MYO18A: variants seen among roughly 807,000 people sequenced by gnomAD.
The protein encoded by MYO18A is unconventional myosin-XVIIIa.
Under a neutral mutation model 235.8 loss-of-function variants are expected in MYO18A, and 78 were observed. The ratio of observed to expected loss-of-function variants is 0.33; its 90% CI spans 0.28 to 0.40. MYO18A has a LOEUF of 0.40. Ranked by LOEUF, MYO18A falls within the 10% of genes least tolerant of loss-of-function variation. The pLI is 1.00. For synonymous variants in MYO18A, 977 were observed against 1,077.8 expected (o/e 0.91, Z 1.83); for missense variants, 2,215 against 2,699.3 (o/e 0.82, Z 3.98).
chr17:29,092,983 C>T lies in MYO18A; in HGVS notation c.4945G>A (p.Glu1649Lys). 6.2e-7 allele frequency: 1 copy of T among 1,613,388 alleles called. No individual in the cohort carries two copies. The highest frequency in any genetic ancestry group is 8.5e-7 in the Non-Finnish European group (1 of 1,179,766). ...LSDQVNRRDF[E>K]SEKRLRKDLK... ...TCCTTCCGCAGCCGCTTCTCTGACT[C>T]AAAGTCCCGCCGGTTCACCTGGGTG... The change falls in exon 33 of 42, where the codon GAG (glutamate) becomes AAG (lysine). Residue 1649 changes from glutamate to lysine, a missense_variant. Transcript: ENST00000527372.
Position 29,089,995 on chromosome 17 carries a change from A to G in MYO18A, c.5492T>C (p.Leu1831Pro). The G allele has an allele frequency of 6.2e-7, 1 of 1,614,032 alleles. No individual in the cohort carries two copies. Among genetic ancestry groups the G allele is most frequent in the Non-Finnish European group, 8.5e-7 (1 of 1,179,900 alleles). ...TTTCACTTGCGTCCTTTCAAACTCCAGGCGTGTCTCCAGCTCCCGTATCTT... is the reference window on the plus strand; with the variant it reads ...TTTCACTTGCGTCCTTTCAAACTCCGGGCGTGTCTCCAGCTCCCGTATCTT... ...EAKIRELETR[L>P]EFERTQVKRL... The change falls in exon 37 of 42, where the codon CTG becomes CCG. Residue 1831 changes from leucine to proline, a missense_variant. Leu to Pro is a moderately conservative substitution (Grantham distance 98, BLOSUM62 -3). Coordinates refer to ENST00000527372, the MANE Select transcript of MYO18A (RefSeq NM_078471.4).
chr17:29,108,734 T>G (rs1220576194), intron 19 of MYO18A, among the ~76,000 whole-genome samples: 5 of 152,146 alleles, frequency 3.3e-5, no homozygotes, highest in African/African-American at 1.2e-4. Flanking sequence ...AGCTATTGAT[T>G]GTATCTGAAT....
At chr17:29,122,338 T>C (rs2067221499) in intron 2 of MYO18A, 85 bp from the exon 3 acceptor site, 3 of 1,295,156 alleles carry the variant, frequency 2.3e-6, no homozygotes, top group Non-Finnish European at 3.3e-6. Flanking sequence ...AGTGAGGGCA[T>C]GGGCTTTGAG....
At position 29,087,082 on chromosome 17, in the gene MYO18A, T is replaced by G. The variant is rs1384738365; in HGVS notation, c.5566A>C (p.Thr1856Pro). The G allele has an allele frequency of 6.2e-7, 1 of 1,613,928 alleles. No individual in the cohort carries two copies. The change falls in exon 38 of 42, where the codon ACT becomes CCT. Residue 1856 changes from threonine (T) to proline (P), a missense_variant. Physicochemically the swap from Thr to Pro is conservative, Grantham distance 38 (BLOSUM62 -1). Coordinates refer to ENST00000527372, the MANE Select transcript of MYO18A (RefSeq NM_078471.4). ...GCAATGCGCTGATCCCGCTCCTCAG[T>G]CAGCTTCTCCATGTTTTCCTTGAGA... ...SRLKENMEKL[T>P]EERDQRIAAE...
chr17:29,139,607 C>G (rs2067688544), intron 2 of MYO18A, among the ~76,000 whole-genome samples: 1 of 152,216 alleles, frequency 6.6e-6, no homozygotes. Context: ...GAAAACCTTA[C>G]CCTTGGTGGC....
chr17:29,169,200 G>A (rs1274617733), intron 1 of MYO18A, among the ~76,000 whole-genome samples: 5 of 151,950 alleles, frequency 3.3e-5, no homozygotes, highest in South Asian at 2.1e-4. Context: ...ACAGGTGCCC[G>A]CCACCACGCC....
chr17:29,175,364 CTTTTT>C (rs34825590), intron 1 of MYO18A, among the ~76,000 whole-genome samples: 2 of 133,010 alleles, frequency 1.5e-5, no homozygotes. Context: ...TTTATTTCAT[CTTTTT>C]TTTTTTTTTT....
At position 29,109,805 on chromosome 17, in the gene MYO18A, C is replaced by T. The variant is rs896406661; in HGVS notation, c.3331+53G>A. ...GTCGCAGGTGGGAGGTGGGGCCGGGCAGGGCCAGCTCTGGAAAAGAGAGCC... is the reference window on the plus strand; with the variant it reads ...GTCGCAGGTGGGAGGTGGGGCCGGGTAGGGCCAGCTCTGGAAAAGAGAGCC... On this transcript the variant is annotated intron_variant, in intron 19 of 41. Coordinates refer to ENST00000527372, the MANE Select transcript of MYO18A (RefSeq NM_078471.4). The surrounding 1 kb of genome is among the most constrained non-coding windows in gnomAD (Gnocchi z 4.1). The T allele has an allele frequency of 1.3e-6, 2 of 1,533,932 alleles. No individual in the cohort carries two copies. The highest frequency in any genetic ancestry group is 1.4e-5 in the African/African-American group (1 of 72,588).
chr17:29,114,203 T>C (rs930508368), intron 14 of MYO18A, 106 bp from the exon 15 acceptor site: 2 of 799,400 alleles, frequency 2.5e-6, no homozygotes, highest in African/African-American at 1.7e-5. Context: ...CCAACCTCCT[T>C]CTGTGCCGTG....
chr17:29,096,550 G>A (rs187429109), intron 28 of MYO18A, among the ~76,000 whole-genome samples: 66 of 152,324 alleles, frequency 4.3e-4, no homozygotes, highest in African/African-American at 1.5e-3. Context: ...TGAAAGCAGA[G>A]GCCTGGGCAG....
chr17:29,136,248 A>ATATATATATAT (rs1207210720), intron 2 of MYO18A, among the ~76,000 whole-genome samples: 1 of 74,632 alleles, frequency 1.3e-5, no homozygotes, highest in African/African-American at 4.2e-5. Flanking sequence ...AAAAAAAAAA[A>ATATATATATAT]AAATATATAT....
At chr17:29,176,916 C>T (rs1480902191) in intron 1 of MYO18A, among the ~76,000 whole-genome samples, 2 of 152,196 alleles carry the variant, frequency 1.3e-5, no homozygotes, top group East Asian at 3.9e-4. Context: ...CGGCGCCTCC[C>T]GCTGCGATCC....
rs763879754 is a variant in MYO18A, at chr17:29,121,523, A to G, written c.1371+24T>C. The G allele has an allele frequency of 6.3e-7, 1 of 1,579,282 alleles. No homozygotes were observed. The highest frequency in any genetic ancestry group is 2.3e-5 in the East Asian group (1 of 43,844). Reference sequence around the variant, plus strand: ...GCAGGGGGTGGGACCAGGAGTCTGCAGGGTAGCCTTGAGGGTGCTGCACCT... The same window carrying G: ...GCAGGGGGTGGGACCAGGAGTCTGCGGGGTAGCCTTGAGGGTGCTGCACCT... On this transcript the variant is annotated intron_variant, in intron 5 of 41. Coordinates refer to ENST00000527372, the MANE Select transcript of MYO18A (RefSeq NM_078471.4). The surrounding 1 kb of genome is among the most constrained non-coding windows in gnomAD (Gnocchi z 4.2).
In MYO18A at chr17:29,180,355, C is replaced by G. The variant is rs2068623231; in HGVS notation, c.-124G>C. 6.6e-6 allele frequency: 1 copy of G among 151,932 alleles called. No homozygotes were observed. The highest frequency in any genetic ancestry group is 1.5e-5 in the Non-Finnish European group (1 of 67,988). 9.4% of individuals were successfully genotyped at this position (151,932 alleles called of 1,614,324 possible). On this transcript the variant is annotated 5_prime_UTR_variant, in exon 1 of 42. Transcript: ENST00000527372. This position sits in a 1 kb window ranked among gnomAD's most constrained non-coding sequence, Gnocchi z 6.1. The stretch of plus-strand genomic sequence containing the variant: ...CCGGCAGGCAGCAGAAGCGGAGACG[C>G]GGCATCCAGCAGCCTCGGCCCGGTC...
At chr17:29,115,506 G>T in intron 12 of MYO18A, 65 bp from the exon 13 acceptor site, 2 of 1,562,596 alleles carry the variant, frequency 1.3e-6, no homozygotes, top group South Asian at 2.3e-5. Flanking sequence ...GTAAGCCCCT[G>T]ACCTGCCCAG....
intron 1 of MYO18A, among the ~76,000 whole-genome samples, chr17:29,177,945 A>C (rs1479866896): frequency 2.6e-5 from 4 of 152,174 alleles, no homozygotes; most frequent in Non-Finnish European, 5.9e-5. Context: ...AGTCCAGATG[A>C]AGGCTTCCTG....
Position 29,111,949 on chromosome 17 carries a change from A to G in MYO18A, c.2599-86T>C. On this transcript the variant is annotated intron_variant, in intron 15 of 41. Coordinates refer to ENST00000527372, the MANE Select transcript of MYO18A (RefSeq NM_078471.4). The surrounding 1 kb of genome is among the most constrained non-coding windows in gnomAD (Gnocchi z 5.1). ...GGTGCCGGGCCCAAACACACCCTAC[A>G]GAATGCTACACATGTGCACACATGC... The G allele has an allele frequency of 6.7e-7, 1 of 1,494,742 alleles. No individual in the cohort carries two copies. The highest frequency in any genetic ancestry group is 9.0e-7 in the Non-Finnish European group (1 of 1,109,012). The allele number at this position is 1,494,742 out of a possible 1,614,324, so 92.6% of individuals were successfully genotyped here.
chr17:29,098,787 C>G (rs779167760), intron 23 of MYO18A, 39 bp downstream of exon 23: 1 of 1,611,932 alleles, frequency 6.2e-7, no homozygotes, highest in Non-Finnish European at 8.5e-7. Flanking sequence ...CAAGGCTTCC[C>G]CCTACCCAGA....
Position 29,071,128 on chromosome 17 carries a change from G to C in MYO18A, c.*3642C>G, listed in dbSNP as rs550351332. 1 of 152,366 alleles carries C rather than the reference G, an allele frequency of 6.6e-6. No individual in the cohort carries two copies. The highest frequency in any genetic ancestry group is 1.5e-5 in the Non-Finnish European group (1 of 68,064). 9.4% of individuals were successfully genotyped at this position (152,366 alleles called of 1,614,324 possible). A position where few individuals can be genotyped will look rare whatever the true frequency, so the allele number is the denominator to read the frequency against. On this transcript the variant is annotated 3_prime_UTR_variant, in exon 42 of 42. Coordinates refer to ENST00000527372, the MANE Select transcript of MYO18A (RefSeq NM_078471.4). ...CAAAGACAAAAGAAGACCATTTAGG[G>C]GTCACTGCCTGCCACTTTATTTTCT...
Sources: gnomAD v4.1 joint callset for allele counts (sites outside exome capture counted in the v4.1 genomes callset) on GRCh38, gnomAD v4.1.1 for gene constraint, Gnocchi (gnomAD v3.1) non-coding constraint, MANE v1.5 for transcripts, NCBI Gene and HGNC (gene_info 2026-07-23, HGNC 2026-07-21) for gene names.